The following SASH1 variants were observed in gnomAD, a reference collection of about 807,000 sequenced individuals.
The protein encoded by SASH1 is SAM and SH3 domain containing 1, also known as SAM and SH3 domain-containing protein 1.
SASH1 carries 44 observed loss-of-function variants against 125.2 expected under a neutral mutation model. The ratio of observed to expected loss-of-function variants is 0.35; its 90% CI spans 0.28 to 0.45. The LOEUF (loss-of-function observed/expected upper bound fraction) is 0.45. Ranked by LOEUF, SASH1 falls within the 20% of genes least tolerant of loss-of-function variation. SASH1 has a pLI of 1.00. For missense variants in SASH1, 1,426 were observed against 1,614.5 expected, an observed-to-expected ratio of 0.88 and a Z score of 2.00; for synonymous variants, 639 against 649.1, an observed-to-expected ratio of 0.98 and a Z score of 0.24.
intron 2 of SASH1, chr6:148,393,569 C>T: frequency 2.6e-6 from 1 of 381,468 alleles, no homozygotes; most frequent in African/African-American, 2.2e-5. Flanking sequence ...TGGAAGGCAG[C>T]TTCTAGGTAG....
At chr6:148,210,489 C>T in the SASH1 span, among the ~76,000 whole-genome samples, 29 of 152,144 alleles carry the variant, frequency 1.9e-4, no homozygotes, top group African/African-American at 6.0e-4. Flanking sequence ...GCCAAGATCG[C>T]GCCATTGCAC....
chr6:148,376,888 C>T (rs1461991337), intron 1 of SASH1, among the ~76,000 whole-genome samples: 1 of 151,074 alleles, frequency 6.6e-6, no homozygotes, highest in Non-Finnish European at 1.5e-5. Context: ...AGATGAAACT[C>T]GGCCGGGCGC....
chr6:148,231,822 T>C, the SASH1 span, among the ~76,000 whole-genome samples: 3,590 of 152,174 alleles, frequency 0.024, 62 homozygotes, highest in Middle Eastern at 0.051. Flanking sequence ...CAAGATGACC[T>C]GTTCATCAGG....
chr6:148,201,410 C>T, the SASH1 span, among the ~76,000 whole-genome samples: 3 of 152,256 alleles, frequency 2.0e-5, no homozygotes, highest in South Asian at 4.1e-4. Flanking sequence ...TCAAGCTTGT[C>T]CCTGCAGTGG....
intron 1 of SASH1, among the ~76,000 whole-genome samples, chr6:148,358,733 G>GTTTTTTTTTT (rs10673654): frequency 1.2e-4 from 15 of 120,916 alleles, no homozygotes; most frequent in Non-Finnish European, 2.0e-4. Context: ...CCATGTTTTT[G>GTTTTTTTTTT]TTTTTTTTTT....
the SASH1 span, among the ~76,000 whole-genome samples, chr6:148,221,742 AATTGGCTG>A: frequency 6.6e-6 from 1 of 152,216 alleles, no homozygotes; most frequent in Non-Finnish European, 1.5e-5. Flanking sequence ...AACAGAGATT[AATTGGCTG>A]ATTAGAATTT....
chr6:148,511,570 G>A (rs955286004), intron 8 of SASH1, among the ~76,000 whole-genome samples: 4 of 152,048 alleles, frequency 2.6e-5, no homozygotes, highest in Admixed American at 6.5e-5. Context: ...GTACAAAGAA[G>A]TATAATTCAA....
intron 1 of SASH1, among the ~76,000 whole-genome samples, chr6:148,308,853 G>A (rs1199938170): frequency 6.6e-6 from 1 of 151,216 alleles, no homozygotes; most frequent in Non-Finnish European, 1.5e-5. Flanking sequence ...GGAGGCCGAG[G>A]TGGGTGAATC....
chr6:148,270,999 T>C (rs1779049564), upstream of SASH1, among the ~76,000 whole-genome samples: 3 of 149,238 alleles, frequency 2.0e-5, no homozygotes, highest in South Asian at 6.4e-4. Flanking sequence ...AACCTCCGCC[T>C]CTTGGGTTCA....
the SASH1 span, among the ~76,000 whole-genome samples, chr6:148,248,605 AT>A: frequency 6.6e-6 from 1 of 152,202 alleles, no homozygotes; most frequent in East Asian, 1.9e-4. Context: ...TTTTCCACAA[AT>A]TTCCCATCAG....
chr6:148,496,903 T>A (rs937695034), intron 8 of SASH1, among the ~76,000 whole-genome samples: 6 of 152,210 alleles, frequency 3.9e-5, no homozygotes, highest in African/African-American at 1.2e-4. Context: ...GTAAATTTTT[T>A]AAAAATATAA....
At chr6:148,299,671 G>GAA (rs57758957) in intron 1 of SASH1, among the ~76,000 whole-genome samples, 5 of 114,978 alleles carry the variant, frequency 4.3e-5, no homozygotes, top group Admixed American at 8.9e-5. Flanking sequence ...CACCTCAAAA[G>GAA]AAAAAAAAAA....
the SASH1 span, among the ~76,000 whole-genome samples, chr6:148,221,120 G>A: frequency 2.6e-5 from 4 of 151,950 alleles, no homozygotes; most frequent in Non-Finnish European, 2.9e-5. Flanking sequence ...CATTCAACAC[G>A]TCTTACTGCA....
At chr6:148,397,206 C>T (rs1048935420) in intron 2 of SASH1, among the ~76,000 whole-genome samples, 1 of 152,110 alleles carries the variant, frequency 6.6e-6, no homozygotes, top group African/African-American at 2.4e-5. Context: ...TTTGTCCTGG[C>T]ACGGTGGCTC....
At chr6:148,481,136 G>T (rs1202152650) in intron 7 of SASH1, among the ~76,000 whole-genome samples, 5 of 151,716 alleles carry the variant, frequency 3.3e-5, no homozygotes, top group Admixed American at 3.3e-4. Flanking sequence ...AGGGAATATT[G>T]CAGTAAAGTG....
At chr6:148,376,631 G>A (rs1376430051) in intron 1 of SASH1, among the ~76,000 whole-genome samples, 4 of 152,014 alleles carry the variant, frequency 2.6e-5, no homozygotes, top group Non-Finnish European at 5.9e-5. Context: ...GGAGGCTGAG[G>A]CAAGAGCATC....
chr6:148,304,964 G>A (rs1164902577), intron 1 of SASH1, among the ~76,000 whole-genome samples: 5 of 152,320 alleles, frequency 3.3e-5, no homozygotes, highest in African/African-American at 1.2e-4. Context: ...CCAGGAGGTG[G>A]AGGTTGCAGT....
the SASH1 span, among the ~76,000 whole-genome samples, chr6:148,206,879 G>A: frequency 6.6e-6 from 1 of 151,642 alleles, no homozygotes; most frequent in African/African-American, 2.4e-5. Flanking sequence ...GCTTGTTCAT[G>A]TTCCACCCAG....
At position 148,549,819 on chromosome 6, in the gene SASH1, T is replaced by TC; in HGVS notation, c.*1261_*1262insC. On this transcript the variant is annotated 3_prime_UTR_variant, in exon 20 of 20. Transcript: ENST00000367467. ...TGATTTCAGCACATTCTATCCTTTT[T>TC]TTTTTTTGAAATGGAGTTTCGCTCT... The TC allele has an allele frequency of 2.8e-6, 1 of 356,272 alleles. No individual in the cohort carries two copies. The highest frequency in any genetic ancestry group is 5.0e-6 in the Non-Finnish European group (1 of 200,010). 22.1% of individuals were successfully genotyped at this position (356,272 alleles called of 1,614,324 possible).
Sources: allele counts gnomAD v4.1 joint callset (sites outside exome capture counted in the v4.1 genomes callset), GRCh38; gene constraint gnomAD v4.1.1; transcripts MANE v1.5; gene names NCBI Gene and HGNC (gene_info 2026-07-23, HGNC 2026-07-21).